Variants in SUPT3H observed in about 807,000 individuals in gnomAD.
SUPT3H encodes transcription initiation protein SPT3 homolog.
A neutral mutation model predicts 44.3 loss-of-function variants in SUPT3H; 44 were observed. The ratio of observed to expected loss-of-function variants is 0.99; its 90% confidence interval spans 0.78 to 1.28. SUPT3H has a LOEUF of 1.28. Ranked by LOEUF, SUPT3H falls within the 50% of genes most tolerant of loss-of-function variation. The probability of loss-of-function intolerance (pLI) is 0.00; values close to 1 mark genes in which losing one functional copy is unlikely to be tolerated. For synonymous variants in SUPT3H, 124 were observed against 125.6 expected (o/e 0.99, Z 0.09); for missense variants, 380 against 387.1 (o/e 0.98, Z 0.15).
At chr6:45,046,509 T>C (rs899594479) in intron 3 of SUPT3H, among the ~76,000 whole-genome samples, 2 of 152,148 alleles carry the variant, frequency 1.3e-5, no homozygotes, top group Non-Finnish European at 2.9e-5. Context: ...ATTTGTATTT[T>C]TAGTAGAGAG....
At chr6:45,116,402 G>C (rs183946734) in intron 2 of SUPT3H, among the ~76,000 whole-genome samples, 1 of 151,994 alleles carries the variant, frequency 6.6e-6, no homozygotes, top group Non-Finnish European at 1.5e-5. Context: ...ATCTTTATCT[G>C]TATTAATTTT....
intron 2 of SUPT3H, among the ~76,000 whole-genome samples, chr6:45,113,827 C>CAAAAA (rs374606230): frequency 1.8e-5 from 2 of 112,738 alleles, no homozygotes; most frequent in African/African-American, 3.4e-5. Flanking sequence ...AAGACTCCAT[C>CAAAAA]AAAAAAAAAA....
chr6:44,912,981 G>A (rs760749210), intron 10 of SUPT3H, among the ~76,000 whole-genome samples: 36 of 152,116 alleles, frequency 2.4e-4, no homozygotes, highest in Non-Finnish European at 5.0e-4. Context: ...TTCTTCCCAA[G>A]AAAATGTGTG....
chr6:45,046,541 G>A (rs1327339686), intron 3 of SUPT3H, among the ~76,000 whole-genome samples: 1 of 152,134 alleles, frequency 6.6e-6, no homozygotes, highest in East Asian at 1.9e-4. Flanking sequence ...ATGTTGGCCA[G>A]GCTGGTCTCA....
At chr6:45,281,912 A>G (rs903085731) in intron 2 of SUPT3H, among the ~76,000 whole-genome samples, 4 of 152,180 alleles carry the variant, frequency 2.6e-5, no homozygotes, top group African/African-American at 9.7e-5. Context: ...CGATCAGGCA[A>G]CAACATTTGC....
intron 7 of SUPT3H, among the ~76,000 whole-genome samples, chr6:44,958,241 A>G (rs1010679806): frequency 3.9e-5 from 6 of 152,224 alleles, no homozygotes; most frequent in Admixed American, 1.3e-4. Flanking sequence ...ATGGAAATTT[A>G]AGGTTAATCT....
intron 10 of SUPT3H, among the ~76,000 whole-genome samples, chr6:44,880,141 G>T (rs989647273): frequency 2.0e-5 from 3 of 152,032 alleles, no homozygotes; most frequent in African/African-American, 7.2e-5. Context: ...AGCTAAAGGA[G>T]CATATTCCAA....
chr6:45,291,376 T>C (rs1266140914), intron 2 of SUPT3H, among the ~76,000 whole-genome samples: 1 of 152,070 alleles, frequency 6.6e-6, no homozygotes, highest in African/African-American at 2.4e-5. Context: ...TCTGGTAATA[T>C]GACAAAACAA....
intron 3 of SUPT3H, among the ~76,000 whole-genome samples, chr6:45,093,698 T>C (rs1797430494): frequency 6.6e-6 from 1 of 152,168 alleles, no homozygotes; most frequent in Non-Finnish European, 1.5e-5. Flanking sequence ...ACTGAACAGT[T>C]ACTCTTCACA....
At chr6:45,094,301 G>C (rs116072357) in intron 3 of SUPT3H, among the ~76,000 whole-genome samples, 2,953 of 152,180 alleles carry the variant, frequency 0.019, 57 homozygotes, top group South Asian at 0.084. Context: ...AGAACCTTTA[G>C]GGAGAAAAGC....
At chr6:45,011,725 A>G (rs1783515945) in intron 5 of SUPT3H, among the ~76,000 whole-genome samples, 1 of 151,962 alleles carries the variant, frequency 6.6e-6, no homozygotes, top group South Asian at 2.1e-4. Flanking sequence ...GTGTGAATTC[A>G]AATTATTTGG....
chr6:45,249,841 T>C (rs1772061964), intron 2 of SUPT3H, among the ~76,000 whole-genome samples: 3 of 152,052 alleles, frequency 2.0e-5, no homozygotes, highest in Admixed American at 2.0e-4. Flanking sequence ...GGGTTGATGA[T>C]ATATCATACT....
At chr6:44,913,630 A>C (rs1461157322) in intron 10 of SUPT3H, among the ~76,000 whole-genome samples, 1 of 152,186 alleles carries the variant, frequency 6.6e-6, no homozygotes, top group Non-Finnish European at 1.5e-5. Context: ...TACACATAAA[A>C]ATGTATAATA....
At chr6:44,960,019 T>G (rs550867906) in intron 7 of SUPT3H, among the ~76,000 whole-genome samples, 1 of 152,234 alleles carries the variant, frequency 6.6e-6, no homozygotes, top group African/African-American at 2.4e-5. Flanking sequence ...GCACCATATA[T>G]AAATAGTTTT....
chr6:45,374,351 TTTAAA>T (rs1205399521), intron 1 of SUPT3H, among the ~76,000 whole-genome samples: 7 of 152,200 alleles, frequency 4.6e-5, no homozygotes, highest in Non-Finnish European at 7.3e-5. Flanking sequence ...ACATGAGTTA[TTTAAA>T]TTAACCTCTT....
chr6:45,221,643 A>G (rs6919847), intron 2 of SUPT3H, among the ~76,000 whole-genome samples: 95,163 of 151,982 alleles, frequency 0.63, 30,586 homozygotes, highest in African/African-American at 0.79. Flanking sequence ...TACTGAAGAT[A>G]TTAATTTTCC....
chr6:45,027,315 C>T (rs1786189748), intron 3 of SUPT3H, among the ~76,000 whole-genome samples: 1 of 151,912 alleles, frequency 6.6e-6, no homozygotes, highest in Non-Finnish European at 1.5e-5. Flanking sequence ...TTTTCTTGAC[C>T]CCATTTCTGC....
chr6:45,165,457 A>G (rs1313411300), intron 2 of SUPT3H, among the ~76,000 whole-genome samples: 161 of 152,190 alleles, frequency 1.1e-3, no homozygotes, highest in Non-Finnish European at 2.6e-4. Flanking sequence ...AGCATTTCCA[A>G]ATAAAAAATT....
At chr6:44,883,980 A>G (rs1778696375) in intron 10 of SUPT3H, among the ~76,000 whole-genome samples, 1 of 152,224 alleles carries the variant, frequency 6.6e-6, no homozygotes. Flanking sequence ...AAACACCAAA[A>G]GCAATGACAG....
Sources: gnomAD v4.1 joint callset for allele counts (sites outside exome capture counted in the v4.1 genomes callset) on GRCh38, gnomAD v4.1.1 for gene constraint, MANE v1.5 for transcripts, NCBI Gene and HGNC (gene_info 2026-07-23, HGNC 2026-07-21) for gene names.